The following CRACD variants were observed in gnomAD, a reference collection of about 807,000 sequenced individuals.
CRACD encodes capping protein-inhibiting regulator of actin dynamics.
A neutral mutation model predicts 106.8 loss-of-function variants in CRACD; 56 were observed. The ratio of observed to expected loss-of-function variants is 0.52; its 90% CI spans 0.42 to 0.66. The LOEUF is 0.66. CRACD is among the 30% of genes least tolerant of loss of function. CRACD has a pLI of 0.00. For synonymous variants in CRACD, 754 were observed against 670.8 expected (o/e 1.12, Z -1.92); for missense variants, 1,730 against 1,623.2 (o/e 1.07, Z -1.13).
chr4:56,191,593 G>C (rs1737370252), intron 2 of CRACD, among the ~76,000 whole-genome samples: 1 of 152,114 alleles, frequency 6.6e-6, no homozygotes, highest in Non-Finnish European at 1.5e-5. Flanking sequence ...CTGATCCCCT[G>C]TTCACAGTTC....
chr4:56,085,008 A>G (rs372858380), intron 1 of CRACD, among the ~76,000 whole-genome samples: 9 of 152,282 alleles, frequency 5.9e-5, no homozygotes, highest in African/African-American at 2.2e-4. Context: ...TGTGATTGAG[A>G]TGTCTGTGGG....
At chr4:56,178,405 G>C (rs1415754427) in intron 1 of CRACD, among the ~76,000 whole-genome samples, 1 of 152,164 alleles carries the variant, frequency 6.6e-6, no homozygotes, top group Non-Finnish European at 1.5e-5. Context: ...TGTCTGACTT[G>C]CCTCAATTTT....
At chr4:56,076,188 G>A (rs182217753) in intron 1 of CRACD, among the ~76,000 whole-genome samples, 2 of 152,250 alleles carry the variant, frequency 1.3e-5, no homozygotes, top group African/African-American at 4.8e-5. Flanking sequence ...GACACACACA[G>A]AGGGAAAGAC....
At position 56,315,184 on chromosome 4, in the gene CRACD, C is replaced by A. The variant is rs994523171; in HGVS notation, c.1682C>A (p.Ala561Glu). ...PKVNLSPVTP[A>E]KDTGLTAAPQ... Reference sequence around the variant, plus strand: ...GTCAACCTGAGCCCCGTGACGCCCGCAAAGGACACGGGGCTCACCGCTGCT... The same window carrying A: ...GTCAACCTGAGCCCCGTGACGCCCGAAAAGGACACGGGGCTCACCGCTGCT... Residue 561 changes from alanine (A) to glutamate (E), a missense_variant, in exon 8 of 11, where the codon GCA (alanine) becomes GAA (glutamate). Ala to Glu is a moderately radical substitution (Grantham distance 107). Transcript: ENST00000682029. This position sits in a 1 kb window ranked among gnomAD's most constrained non-coding sequence, Gnocchi z 4.1. 1.3e-6 allele frequency: 2 copies of A among 1,596,744 alleles called. No individual in the cohort carries two copies. The highest frequency in any genetic ancestry group is 1.7e-6 in the Non-Finnish European group (2 of 1,172,264).
chr4:56,105,488 G>GAT (rs1398948586), intron 1 of CRACD, among the ~76,000 whole-genome samples: 5 of 152,282 alleles, frequency 3.3e-5, no homozygotes, highest in African/African-American at 1.2e-4. Context: ...AACAGAATGA[G>GAT]ACATATATAT....
intron 4 of CRACD, among the ~76,000 whole-genome samples, chr4:56,302,178 T>A (rs1744406273): frequency 6.6e-6 from 1 of 152,216 alleles, no homozygotes; most frequent in Non-Finnish European, 1.5e-5. Flanking sequence ...AGATCTGCGA[T>A]CTCTATACAA....
At chr4:56,072,266 A>G (rs1203773994) in intron 1 of CRACD, among the ~76,000 whole-genome samples, 4 of 152,166 alleles carry the variant, frequency 2.6e-5, no homozygotes, top group Admixed American at 2.0e-4. Flanking sequence ...TTTTGACATA[A>G]GGCTTTCTAC....
chr4:56,099,276 G>A lies in CRACD; in HGVS notation c.-336+49977G>A, dbSNP rs531846782. Among the ~76,000 whole-genome samples the A allele has an allele frequency of 3.3e-5, 5 of 152,258 alleles. No individual in the cohort carries two copies. The South Asian group carries it at 1.0e-3, about 32-fold the overall frequency. On this transcript the variant is annotated intron_variant, in intron 1 of 10. Transcript: ENST00000682029. ...ATTCAGGTACAATTTTGGGGGTCAG[G>A]ATCTGTCATGAGTATTTGATGTTCC...
At chr4:56,304,056 G>A (rs557835369) in intron 4 of CRACD, among the ~76,000 whole-genome samples, 184 of 152,174 alleles carry the variant, frequency 1.2e-3, no homozygotes, top group Admixed American at 2.9e-3. Context: ...TGTGACATAC[G>A]TGATAGATAC....
chr4:56,060,729 T>A (rs1732242536), intron 1 of CRACD, among the ~76,000 whole-genome samples: 1 of 152,128 alleles, frequency 6.6e-6, no homozygotes, highest in Non-Finnish European at 1.5e-5. Context: ...GTGATGGTAT[T>A]AGGAAGTGGG....
intron 2 of CRACD, among the ~76,000 whole-genome samples, chr4:56,230,858 G>A (rs759400721): frequency 6.6e-6 from 1 of 152,166 alleles, no homozygotes. Context: ...AAATAAGTTT[G>A]TGCAAGGTAT....
intron 1 of CRACD, among the ~76,000 whole-genome samples, chr4:56,145,365 A>C (rs899002925): frequency 2.0e-5 from 3 of 152,172 alleles, no homozygotes; most frequent in African/African-American, 7.2e-5. Context: ...TAAAACAGTT[A>C]TATCTTTTAG....
At chr4:56,127,100 G>A (rs1245456370) in intron 1 of CRACD, among the ~76,000 whole-genome samples, 1 of 152,132 alleles carries the variant, frequency 6.6e-6, no homozygotes, top group African/African-American at 2.4e-5. Context: ...TCTTATGAAA[G>A]GGCTTGATGG....
Position 56,324,222 on chromosome 4 carries a change from G to C in CRACD, c.3497G>C (p.Arg1166Thr). The part of the protein sequence containing the change: ...PETAVSRLER[R>T]EQLKKANTLP... ...ACTGCAGTGTCCAGGCTTGAGCGCA[G>C]AGAACAGCTGAAAAAGGCCAATACT... Residue 1166 changes from arginine (R) to threonine (T), a missense_variant, in exon 10 of 11, where the codon AGA becomes ACA. Transcript: ENST00000682029. 2 of 1,614,194 alleles carry C rather than the reference G, an allele frequency of 1.2e-6. No homozygotes were observed. The highest frequency in any genetic ancestry group is 1.7e-6 in the Non-Finnish European group (2 of 1,180,002).
At chr4:56,112,595 C>T (rs551132356) in intron 1 of CRACD, among the ~76,000 whole-genome samples, 6 of 152,232 alleles carry the variant, frequency 3.9e-5, no homozygotes, top group South Asian at 4.2e-4. Flanking sequence ...GTTCATCCCT[C>T]GGCTCCCCCT....
chr4:56,251,709 G>A (rs753419749), intron 2 of CRACD, among the ~76,000 whole-genome samples: 1 of 152,164 alleles, frequency 6.6e-6, no homozygotes, highest in African/African-American at 2.4e-5. Flanking sequence ...TATGAACATC[G>A]GCTCTGGCTT....
intron 1 of CRACD, among the ~76,000 whole-genome samples, chr4:56,125,395 T>A (rs533169352): frequency 1.8e-4 from 27 of 152,302 alleles, no homozygotes; most frequent in African/African-American, 6.0e-4. Context: ...TCATGGATTT[T>A]AAATTTTTTT....
intron 1 of CRACD, among the ~76,000 whole-genome samples, chr4:56,055,107 C>G (rs535260189): frequency 6.6e-6 from 1 of 152,078 alleles, no homozygotes; most frequent in East Asian, 1.9e-4. Flanking sequence ...GTAGCAGCTG[C>G]TAAGAGGAAT....
intron 2 of CRACD, among the ~76,000 whole-genome samples, chr4:56,237,071 C>T (rs1291862157): frequency 6.6e-6 from 1 of 151,972 alleles, no homozygotes; most frequent in Non-Finnish European, 1.5e-5. Context: ...AGCATCAGTG[C>T]CTAAGATGTA....
Sources: gnomAD v4.1 joint callset for allele counts (sites outside exome capture counted in the v4.1 genomes callset) on GRCh38, gnomAD v4.1.1 for gene constraint, Gnocchi (gnomAD v3.1) non-coding constraint, MANE v1.5 for transcripts, NCBI Gene and HGNC (gene_info 2026-07-23, HGNC 2026-07-21) for gene names.